The following CD84 variants were observed in gnomAD, a reference collection of about 807,000 sequenced individuals.
The protein encoded by CD84 is CD84 molecule, also known as SLAM family member 5.
CD84 carries 22 observed loss-of-function variants against 33.8 expected under a neutral mutation model. The ratio of observed to expected loss-of-function variants is 0.65; its 90% CI spans 0.46 to 0.93. CD84 has a LOEUF of 0.93. Ranked by LOEUF, CD84 falls within the 40% of genes least tolerant of loss-of-function variation. CD84 has a pLI of 0.00. For synonymous variants in CD84, 154 were observed against 145.2 expected, an observed-to-expected ratio of 1.06 and a Z score of -0.44; for missense variants, 400 against 397.6, an observed-to-expected ratio of 1.01 and a Z score of -0.05.
At position 160,548,318 on chromosome 1, in the gene CD84, C is replaced by T. The variant is rs367883544; in HGVS notation, c.925G>A (p.Gly309Arg). Residue 309 changes from glycine (G) to arginine (R), a missense_variant, in exon 7 of 7, where the codon GGG becomes AGG. By Grantham distance (125) the Gly-to-Arg change is moderately radical. Coordinates refer to ENST00000368054, the MANE Select transcript of CD84 (RefSeq NM_003874.4). ...YSEVQFADKM[G>R]KASTQDSKPP... ...TTACTGTCCTGTGTGCTGGCTTTCC[C>T]CATCTGTGCAGGAGAGAAGCGTGAG... 31 of 1,614,138 alleles carry T rather than the reference C, an allele frequency of 1.9e-5. No individual in the cohort carries two copies. The African/African-American group carries it at 3.7e-4, about 19-fold the overall frequency.
At chr1:160,563,006 T>C (rs1255410938) in intron 2 of CD84, among the ~76,000 whole-genome samples, 1 of 152,074 alleles carries the variant, frequency 6.6e-6, no homozygotes, top group Non-Finnish European at 1.5e-5. Flanking sequence ...ACATCACTGA[T>C]CATTAGAAAA....
At chr1:160,572,494 T>A (rs2102203377) in intron 1 of CD84, among the ~76,000 whole-genome samples, 1 of 152,158 alleles carries the variant, frequency 6.6e-6, no homozygotes, top group Admixed American at 6.6e-5. Context: ...AATTATTAAA[T>A]GCAATTGCGA....
chr1:160,579,037 A>C (rs1416401666), intron 1 of CD84, among the ~76,000 whole-genome samples: 1 of 152,142 alleles, frequency 6.6e-6, no homozygotes, highest in African/African-American at 2.4e-5. Flanking sequence ...GCCAAGAAGA[A>C]ATTGCTTGTA....
chr1:160,555,389 A>T (rs1160985935), intron 2 of CD84, among the ~76,000 whole-genome samples: 1 of 152,104 alleles, frequency 6.6e-6, no homozygotes, highest in African/African-American at 2.4e-5. Context: ...AGCCAAAATA[A>T]TCTTTAAAAT....
chr1:160,573,427 C>A (rs1200750945), intron 1 of CD84, among the ~76,000 whole-genome samples: 1 of 152,166 alleles, frequency 6.6e-6, no homozygotes, highest in East Asian at 1.9e-4. Flanking sequence ...ATAATCTTAA[C>A]CATCACTACT....
At chr1:160,562,086 A>G (rs187241572) in intron 2 of CD84, among the ~76,000 whole-genome samples, 54 of 152,364 alleles carry the variant, frequency 3.5e-4, no homozygotes, top group Non-Finnish European at 5.1e-4. Flanking sequence ...GAGGACACAA[A>G]TAAGTGGAAA....
chr1:160,553,007 A>G (rs1656339649), intron 4 of CD84: 2 of 571,198 alleles, frequency 3.5e-6, no homozygotes, highest in South Asian at 4.2e-5. Context: ...AATAGTCATA[A>G]TCAAAATACA....
At chr1:160,553,822 C>T in intron 3 of CD84, 73 bp downstream of exon 3, 1 of 1,606,496 alleles carries the variant, frequency 6.2e-7, no homozygotes, top group Non-Finnish European at 8.5e-7. Context: ...GAGAATGTGG[C>T]CCACGTTCAG....
At chr1:160,577,972 C>T (rs1658075111) in intron 1 of CD84, among the ~76,000 whole-genome samples, 1 of 152,036 alleles carries the variant, frequency 6.6e-6, no homozygotes, top group Non-Finnish European at 1.5e-5. Context: ...AGGTATTAAC[C>T]TTTTGAAGAG....
intron 2 of CD84, 88 bp downstream of exon 2, chr1:160,565,316 C>T: frequency 1.1e-6 from 1 of 936,906 alleles, no homozygotes; most frequent in East Asian, 2.4e-5. Context: ...ATTTAGGGGA[C>T]CCAATTATCA....
chr1:160,570,615 C>A (rs142106690), intron 1 of CD84, among the ~76,000 whole-genome samples: 1 of 152,174 alleles, frequency 6.6e-6, no homozygotes, highest in Non-Finnish European at 1.5e-5. Flanking sequence ...AATCCCAACA[C>A]TTTGGGAGGC....
chr1:160,548,029 C>T lies in CD84; in HGVS notation c.*227G>A. The T allele has an allele frequency of 1.8e-6, 1 of 566,966 alleles. No individual in the cohort carries two copies. Among genetic ancestry groups the T allele is most frequent in the Non-Finnish European group, 3.2e-6 (1 of 315,286 alleles). The allele number at this position is 566,966 out of a possible 1,614,324, so 35.1% of individuals were successfully genotyped here. A position where few individuals can be genotyped will look rare whatever the true frequency, so the allele number is the denominator to read the frequency against. On this transcript the variant is annotated 3_prime_UTR_variant, in exon 7 of 7. Transcript: ENST00000368054. ...TGGGAAAACTATACTAGGTAACCTG[C>T]TTTGTCATTCATTCAGAAGGGAGTC...
intron 4 of CD84, chr1:160,553,088 G>A (rs1656345470): frequency 1.7e-6 from 1 of 576,230 alleles, no homozygotes; most frequent in South Asian, 2.0e-5. Flanking sequence ...GAGCTGGAAA[G>A]GTGAACACAC....
In CD84 at chr1:160,550,549, G is replaced by A. The variant is rs115682387; in HGVS notation, c.858+389C>T. ...TCAAGGGAACTTGTCTGTCAGTTCT[G>A]TTGCCTCGTAGCCCCCTTAGCAACC... On this transcript the variant is annotated intron_variant, in intron 5 of 6. Coordinates refer to ENST00000368054, the MANE Select transcript of CD84 (RefSeq NM_003874.4). 5.0e-4 allele frequency: 444 copies of A among 883,984 alleles called. 1 individual carries two copies. In the African/African-American group the frequency reaches 7.4e-3, roughly 15 times the overall value. 54.8% of individuals were successfully genotyped at this position (883,984 alleles called of 1,614,324 possible).
chr1:160,553,464 C>A lies in CD84; in HGVS notation c.674G>T (p.Gly225Val). 1.9e-6 allele frequency: 3 copies of A among 1,613,998 alleles called. No homozygotes were observed. The highest frequency in any genetic ancestry group is 2.5e-6 in the Non-Finnish European group (3 of 1,179,978). The change falls in exon 4 of 7, where the codon GGG becomes GTG. Residue 225 changes from glycine to valine, a missense_variant. By Grantham distance (109) the Gly-to-Val change is moderately radical. Coordinates refer to ENST00000368054, the MANE Select transcript of CD84 (RefSeq NM_003874.4). Reference protein sequence around the residue: ...IAMGFRTHHTGLLSVLAMFFL... With the variant: ...IAMGFRTHHTVLLSVLAMFFL... The stretch of plus-strand genomic sequence containing the variant: ...GAACATAGCCAGCACGCTCAGCAAC[C>A]CGGTGTGGTGAGTACGGAAGCCCAT...
chr1:160,566,565 T>C (rs1657337639), intron 1 of CD84, among the ~76,000 whole-genome samples: 1 of 152,224 alleles, frequency 6.6e-6, no homozygotes, highest in African/African-American at 2.4e-5. Flanking sequence ...GTTGGACATC[T>C]ACTCTTTTAA....
chr1:160,573,537 C>T (rs570476215), intron 1 of CD84, among the ~76,000 whole-genome samples: 1 of 152,152 alleles, frequency 6.6e-6, no homozygotes, highest in African/African-American at 2.4e-5. Flanking sequence ...GCTTTTGCAC[C>T]TGTTGTTCTC....
intron 2 of CD84, among the ~76,000 whole-genome samples, chr1:160,555,579 T>C (rs956851318): frequency 1.3e-5 from 2 of 152,198 alleles, no homozygotes; most frequent in African/African-American, 4.8e-5. Flanking sequence ...ATAATTCAAG[T>C]GATAGCTAGG....
At chr1:160,552,176 C>T (rs761121078) in intron 4 of CD84, among the ~76,000 whole-genome samples, 5 of 152,184 alleles carry the variant, frequency 3.3e-5, no homozygotes, top group African/African-American at 4.8e-5. Context: ...AAACTGAGTG[C>T]TCTCTCTTGT....
Sources: gnomAD v4.1 joint callset for allele counts (sites outside exome capture counted in the v4.1 genomes callset) on GRCh38, gnomAD v4.1.1 for gene constraint, MANE v1.5 for transcripts, NCBI Gene and HGNC (gene_info 2026-07-23, HGNC 2026-07-21) for gene names.